Variants in ESYT2 observed in about 807,000 individuals in gnomAD.
ESYT2 encodes extended synaptotagmin 2, also known as extended synaptotagmin-2.
In ESYT2, 54 loss-of-function variants were observed where a neutral mutation model predicts 107.2. The observed-to-expected ratio is 0.50, with a 90% confidence interval of 0.40 to 0.63. The LOEUF is 0.63. Ranked by LOEUF, ESYT2 falls within the 30% of genes least tolerant of loss-of-function variation. The probability of loss-of-function intolerance (pLI) is 0.00; values close to 1 mark genes in which losing one functional copy is unlikely to be tolerated. For missense variants in ESYT2, 1,020 were observed against 1,094.5 expected (o/e 0.93, Z 0.96); for synonymous variants, 491 against 434.1 (o/e 1.13, Z -1.63).
intron 13 of ESYT2, among the ~76,000 whole-genome samples, chr7:158,753,848 A>G (rs1050620385): frequency 2.6e-5 from 4 of 152,062 alleles, no homozygotes; most frequent in African/African-American, 9.7e-5. Context: ...CTCATATACA[A>G]TGAGGATGAG....
At chr7:158,738,801 A>G (rs1398134867) in intron 19 of ESYT2, among the ~76,000 whole-genome samples, 1 of 152,240 alleles carries the variant, frequency 6.6e-6, no homozygotes, top group African/African-American at 2.4e-5. Context: ...ATACAGTATG[A>G]TCTTAGGGGA....
chr7:158,735,970 C>T (rs1050763052), intron 20 of ESYT2, among the ~76,000 whole-genome samples: 1 of 152,210 alleles, frequency 6.6e-6, no homozygotes, highest in Non-Finnish European at 1.5e-5. Flanking sequence ...CTCACTCAGG[C>T]TTTCCACTCA....
At chr7:158,796,122 G>A (rs982497208) in intron 3 of ESYT2, among the ~76,000 whole-genome samples, 2 of 152,200 alleles carry the variant, frequency 1.3e-5, no homozygotes, top group Non-Finnish European at 2.9e-5. Flanking sequence ...CGCACTGCAC[G>A]GGGATGTCTG....
chr7:158,810,288 T>C (rs1839956913), intron 1 of ESYT2, among the ~76,000 whole-genome samples: 1 of 152,250 alleles, frequency 6.6e-6, no homozygotes, highest in Non-Finnish European at 1.5e-5. Context: ...GGATCATTAC[T>C]TGATAAATGG....
intron 18 of ESYT2, among the ~76,000 whole-genome samples, chr7:158,740,484 T>C (rs1837152458): frequency 6.6e-6 from 1 of 152,190 alleles, no homozygotes; most frequent in African/African-American, 2.4e-5. Flanking sequence ...CGAATTTGCA[T>C]GTCCCGTCTC....
chr7:158,735,043 A>T (rs896862), intron 21 of ESYT2, among the ~76,000 whole-genome samples: 3 of 152,092 alleles, frequency 2.0e-5, no homozygotes, highest in African/African-American at 7.2e-5. Context: ...TGACTCACAG[A>T]AGGGTTGGCC....
At chr7:158,783,643 G>T (rs754350166) in intron 6 of ESYT2, among the ~76,000 whole-genome samples, 30 of 151,964 alleles carry the variant, frequency 2.0e-4, no homozygotes, top group Non-Finnish European at 3.1e-4. Context: ...GGAGTGGGCT[G>T]AACTTGAAGG....
intron 17 of ESYT2, 101 bp downstream of exon 17, chr7:158,743,428 C>A: frequency 6.8e-7 from 1 of 1,474,364 alleles, no homozygotes. Flanking sequence ...GCAGCCGACA[C>A]AGAGCTTTCT....
In ESYT2 at chr7:158,797,951, C is replaced by A; in HGVS notation, c.498G>T (p.Val166=). The A allele has an allele frequency of 6.2e-7, 1 of 1,613,918 alleles. No homozygotes were observed. The highest frequency in any genetic ancestry group is 1.3e-5 in the African/African-American group (1 of 75,018). The change falls in exon 3 of 23, where the codon GTG becomes GTT. Residue 166 remains valine (V), a synonymous_variant. Transcript: ENST00000275418. ...LSTFSFTKVD[V]GQQPLRINGV... ...TTAAGAGAACACTGACCTGCTGGCC[C>A]ACGTCGACCTTCGTGAAACTAAAGG... is the stretch of plus-strand genomic sequence containing the variant.
intron 3 of ESYT2, among the ~76,000 whole-genome samples, chr7:158,796,480 C>T (rs1013248749): frequency 2.0e-5 from 3 of 152,160 alleles, no homozygotes; most frequent in African/African-American, 7.2e-5. Flanking sequence ...GAGGGGTAAA[C>T]ACCTTAAACT....
rs13438228 is a variant in ESYT2 at position 158,734,010 on chromosome 7, G to A, written c.*197C>T. 2,574 of 627,104 alleles carry A rather than the reference G, an allele frequency of 4.1e-3. 52 individuals carry two copies. The African/African-American group carries it at 0.042, about 10-fold the overall frequency. The allele number at this position is 627,104 out of a possible 1,614,324, so 38.8% of individuals were successfully genotyped here. A position where few individuals can be genotyped will look rare whatever the true frequency, so the allele number is the denominator to read the frequency against. ...CGTTGTAGGAACTGGCGAAATCCTA[G>A]AGGAAATCCAACACAGAAAATTCAA... is the stretch of plus-strand genomic sequence containing the variant. On this transcript the variant is annotated 3_prime_UTR_variant, in exon 23 of 23. Coordinates refer to ENST00000275418, the MANE Select transcript of ESYT2 (RefSeq NM_001367773.1).
At chr7:158,771,468 C>T (rs1838367990) in intron 7 of ESYT2, among the ~76,000 whole-genome samples, 1 of 152,238 alleles carries the variant, frequency 6.6e-6, no homozygotes, top group Non-Finnish European at 1.5e-5. Flanking sequence ...ACCTGATCAT[C>T]GGAGTCGCAG....
intron 4 of ESYT2, among the ~76,000 whole-genome samples, chr7:158,790,092 C>CCGAGACATA (rs1420227209): frequency 6.6e-6 from 1 of 151,992 alleles, no homozygotes; most frequent in African/African-American, 2.4e-5. Flanking sequence ...ACTGCCTGAC[C>CCGAGACATA]CGAGACATAC....
intron 1 of ESYT2, among the ~76,000 whole-genome samples, chr7:158,803,840 A>G (rs1199596509): frequency 7.9e-6 from 1 of 127,082 alleles, no homozygotes; most frequent in African/African-American, 3.1e-5. Flanking sequence ...ACAAACCCAA[A>G]CCGTCGAGAA....
intron 20 of ESYT2, among the ~76,000 whole-genome samples, chr7:158,736,664 T>C (rs1476153654): frequency 1.3e-5 from 2 of 152,252 alleles, no homozygotes; most frequent in Non-Finnish European, 1.5e-5. Flanking sequence ...TACGGTAAGA[T>C]GTTTGGGGCT....
intron 6 of ESYT2, among the ~76,000 whole-genome samples, chr7:158,784,654 C>T (rs1412343277): frequency 6.6e-6 from 1 of 152,222 alleles, no homozygotes; most frequent in Non-Finnish European, 1.5e-5. Context: ...CCCCTGTACA[C>T]GTCATGAGAC....
chr7:158,746,235 C>CACAT (rs1286945974), intron 16 of ESYT2, among the ~76,000 whole-genome samples: 1 of 141,232 alleles, frequency 7.1e-6, no homozygotes, highest in African/African-American at 2.8e-5. Flanking sequence ...AATAGACACA[C>CACAT]ACACACACAC....
intron 19 of ESYT2, 150 bp downstream of exon 19, chr7:158,738,873 G>A (rs902601417): frequency 1.8e-5 from 14 of 765,932 alleles, no homozygotes; most frequent in African/African-American, 8.7e-5. Flanking sequence ...CACCCTTTAC[G>A]AGCACCGTCT....
At chr7:158,798,517 G>A (rs971727633) in intron 2 of ESYT2, among the ~76,000 whole-genome samples, 22 of 151,466 alleles carry the variant, frequency 1.5e-4, no homozygotes, top group African/African-American at 1.7e-4. Context: ...GTGGTGGTGC[G>A]TGCCTGTAAT....
Sources: allele counts gnomAD v4.1 joint callset (sites outside exome capture counted in the v4.1 genomes callset), GRCh38; gene constraint gnomAD v4.1.1; transcripts MANE v1.5; gene names NCBI Gene and HGNC (gene_info 2026-07-23, HGNC 2026-07-21).